Variants in SCFD2 observed in about 807,000 individuals in gnomAD.
The protein encoded by SCFD2 is sec1 family domain-containing protein 2.
Under a neutral mutation model 58.9 loss-of-function variants are expected in SCFD2, and 54 were observed. The ratio of observed to expected loss-of-function variants is 0.92; its 90% CI spans 0.74 to 1.15. The LOEUF is 1.15. SCFD2 is among the 50% of genes most tolerant of loss of function. SCFD2 has a pLI of 0.00. For synonymous variants in SCFD2, 321 were observed against 335.9 expected (o/e 0.96, Z 0.49); for missense variants, 805 against 836.6 (o/e 0.96, Z 0.47).
chr4:53,248,636 G>C (rs1052970549), intron 4 of SCFD2, among the ~76,000 whole-genome samples: 33 of 152,190 alleles, frequency 2.2e-4, no homozygotes, highest in Admixed American at 1.0e-3. Flanking sequence ...AGCAGCCTAA[G>C]TGGGAGACAC....
chr4:53,242,032 C>A (rs531385333), intron 4 of SCFD2, among the ~76,000 whole-genome samples: 2 of 152,380 alleles, frequency 1.3e-5, no homozygotes, highest in African/African-American at 4.8e-5. Context: ...GCTCCCAGCC[C>A]ACACAAGCTG....
At chr4:53,071,304 G>A (rs1723807581) in intron 5 of SCFD2, among the ~76,000 whole-genome samples, 1 of 152,104 alleles carries the variant, frequency 6.6e-6, no homozygotes, top group Admixed American at 6.6e-5. Flanking sequence ...ATTTTATTAA[G>A]CCACAGTTCC....
At chr4:53,268,243 C>T (rs184244765) in intron 4 of SCFD2, among the ~76,000 whole-genome samples, 5 of 151,982 alleles carry the variant, frequency 3.3e-5, no homozygotes, top group African/African-American at 1.2e-4. Flanking sequence ...TGTTGGAACC[C>T]AAGGGGATGG....
intron 6 of SCFD2, among the ~76,000 whole-genome samples, chr4:52,909,063 C>CT (rs969176582): frequency 2.6e-5 from 4 of 152,158 alleles, no homozygotes; most frequent in African/African-American, 9.7e-5. Context: ...AAAATACACT[C>CT]TTTTGATGAG....
Position 52,962,675 on chromosome 4 carries a change from G to T in SCFD2, c.1562-41805C>A, listed in dbSNP as rs560831459. Among the ~76,000 whole-genome samples, 56 of 152,044 alleles carry T rather than the reference G, an allele frequency of 3.7e-4. No individual in the cohort carries two copies. The East Asian group carries it at 7.9e-3, about 22-fold the overall frequency. On this transcript the variant is annotated intron_variant, in intron 5 of 8. Transcript: ENST00000401642. ...ATGCTATGATGAAAATAGTTTAGAG[G>T]GGGGCAGCATTACTGAAACAGGCTA...
At chr4:53,215,306 GT>G (rs1348638465) in intron 4 of SCFD2, among the ~76,000 whole-genome samples, 2 of 152,084 alleles carry the variant, frequency 1.3e-5, no homozygotes, top group Non-Finnish European at 2.9e-5. Context: ...TCTTCCATTT[GT>G]TTGTATCCTC....
chr4:53,080,160 A>C (rs1239386135), intron 5 of SCFD2, among the ~76,000 whole-genome samples: 2 of 152,190 alleles, frequency 1.3e-5, no homozygotes, highest in Non-Finnish European at 2.9e-5. Flanking sequence ...ATTGCTTCTT[A>C]GTCTAAGAAT....
chr4:52,896,532 G>C (rs1255649002), intron 7 of SCFD2, among the ~76,000 whole-genome samples: 1 of 152,070 alleles, frequency 6.6e-6, no homozygotes, highest in Non-Finnish European at 1.5e-5. Flanking sequence ...CTCTGTTTTG[G>C]TACCAGTACC....
intron 4 of SCFD2, among the ~76,000 whole-genome samples, chr4:53,211,714 T>C (rs1458977068): frequency 6.6e-6 from 1 of 151,964 alleles, no homozygotes; most frequent in East Asian, 1.9e-4. Flanking sequence ...CACAAATGTC[T>C]TCTTCTGTGT....
chr4:53,101,743 T>C (rs978497405), intron 5 of SCFD2, among the ~76,000 whole-genome samples: 1 of 152,146 alleles, frequency 6.6e-6, no homozygotes, highest in African/African-American at 2.4e-5. Flanking sequence ...AAATGTAGAC[T>C]TGAACAAATG....
chr4:53,077,259 A>G (rs1577708419), intron 5 of SCFD2, among the ~76,000 whole-genome samples: 1 of 152,296 alleles, frequency 6.6e-6, no homozygotes, highest in Middle Eastern at 3.4e-3. Flanking sequence ...CTTGTGTTTT[A>G]TGGGTCATAT....
intron 5 of SCFD2, among the ~76,000 whole-genome samples, chr4:53,117,228 C>T (rs1725349897): frequency 6.6e-6 from 1 of 152,172 alleles, no homozygotes; most frequent in Non-Finnish European, 1.5e-5. Flanking sequence ...ACATTTTAAC[C>T]TACCACTTCC....
At chr4:53,066,574 A>G (rs1387319455) in intron 5 of SCFD2, among the ~76,000 whole-genome samples, 2 of 152,138 alleles carry the variant, frequency 1.3e-5, no homozygotes, top group East Asian at 1.9e-4. Flanking sequence ...TTGCACCTGT[A>G]TGGGTCCTAT....
chr4:53,204,504 C>T (rs1405124512), intron 4 of SCFD2, among the ~76,000 whole-genome samples: 1 of 149,970 alleles, frequency 6.7e-6, no homozygotes, highest in African/African-American at 2.5e-5. Context: ...AAAGTTGAGA[C>T]TATCTCCCAG....
intron 5 of SCFD2, among the ~76,000 whole-genome samples, chr4:53,051,325 G>T (rs1272417866): frequency 6.6e-6 from 1 of 152,078 alleles, no homozygotes; most frequent in Non-Finnish European, 1.5e-5. Flanking sequence ...AGGTTCTGGG[G>T]GCATGCAACT....
chr4:53,234,548 G>T (rs1729537081), intron 4 of SCFD2, among the ~76,000 whole-genome samples: 1 of 152,292 alleles, frequency 6.6e-6, no homozygotes, highest in East Asian at 1.9e-4. Context: ...ATGTTAGGCA[G>T]CTCAGATCTC....
intron 5 of SCFD2, among the ~76,000 whole-genome samples, chr4:52,973,268 C>A (rs905723508): frequency 6.6e-6 from 1 of 152,086 alleles, no homozygotes; most frequent in African/African-American, 2.4e-5. Context: ...TGATAGACCG[C>A]TAGCAATACT....
At chr4:53,148,730 C>A (rs1364727883) in intron 4 of SCFD2, among the ~76,000 whole-genome samples, 4 of 152,168 alleles carry the variant, frequency 2.6e-5, no homozygotes, top group Admixed American at 2.6e-4. Context: ...TCAAAAAAGG[C>A]CAGGTGTGGT....
At chr4:53,294,221 T>A (rs972843676) in intron 3 of SCFD2, among the ~76,000 whole-genome samples, 2 of 152,218 alleles carry the variant, frequency 1.3e-5, no homozygotes, top group African/African-American at 4.8e-5. Context: ...ATCACCACAC[T>A]GTCTTCCACA....
Sources: gnomAD v4.1 joint callset for allele counts (sites outside exome capture counted in the v4.1 genomes callset) on GRCh38, gnomAD v4.1.1 for gene constraint, MANE v1.5 for transcripts, NCBI Gene and HGNC (gene_info 2026-07-23, HGNC 2026-07-21) for gene names.